Variants in C6orf89 observed in about 807,000 individuals in gnomAD.
C6orf89 encodes chromosome 6 open reading frame 89.
In C6orf89, 29 loss-of-function variants were observed where a neutral mutation model predicts 40.7. The observed-to-expected ratio is 0.71, with a 90% CI of 0.53 to 0.97. The LOEUF (loss-of-function observed/expected upper bound fraction) is 0.97, where lower values mean the gene tolerates loss of function less well. Ranked by LOEUF, C6orf89 falls within the 50% of genes least tolerant of loss-of-function variation. C6orf89 has a pLI of 0.00. For missense variants in C6orf89, 392 were observed against 429.1 expected (o/e 0.91, Z 0.76); for synonymous variants, 165 against 152.2 (o/e 1.08, Z -0.62).
At position 36,914,019 on chromosome 6, in the gene C6orf89, T is replaced by C. The variant is rs529549477; in HGVS notation, c.404-265T>C. Among the ~76,000 whole-genome samples, 17 of 152,098 alleles carry C rather than the reference T, an allele frequency of 1.1e-4. No homozygotes were observed. The East Asian group carries it at 2.7e-3, about 24-fold the overall frequency. ...CAACTAAAAATACAAAAATTAGCCA[T>C]GTGTGGTGGCATGCGCCTGTAGTTC... On this transcript the variant is annotated intron_variant, in intron 4 of 8. Transcript: ENST00000480824.
chr6:36,915,020 G>T (rs923365506), intron 6 of C6orf89, among the ~76,000 whole-genome samples: 1 of 152,094 alleles, frequency 6.6e-6, no homozygotes, highest in Non-Finnish European at 1.5e-5. Flanking sequence ...GGGGCACTTA[G>T]CGTGCGAGTA....
intron 2 of C6orf89, among the ~76,000 whole-genome samples, chr6:36,880,447 A>G (rs537609813): frequency 2.0e-5 from 3 of 152,342 alleles, no homozygotes; most frequent in South Asian, 4.1e-4. Context: ...TATTGTGTGT[A>G]ATGTTTATAT....
In C6orf89 at chr6:36,895,858, A is replaced by G. The variant is rs1318097070; in HGVS notation, c.-20+1255A>G. On this transcript the variant is annotated intron_variant, in intron 2 of 8. Coordinates refer to ENST00000480824, the MANE Select transcript of C6orf89 (RefSeq NM_001286635.2). ...ACATATGTTTTCATTTGTCTTAGGCACATACCTAGAAGTAGAATTGCTGGG... is the reference window on the plus strand; with the variant it reads ...ACATATGTTTTCATTTGTCTTAGGCGCATACCTAGAAGTAGAATTGCTGGG... 3.3e-5 allele frequency among the ~76,000 whole-genome samples: 5 copies of G among 152,216 alleles called. No individual in the cohort carries two copies. In the East Asian group the frequency reaches 7.7e-4, roughly 23 times the overall value.
intron 1 of C6orf89, among the ~76,000 whole-genome samples, chr6:36,893,238 T>C (rs984303787): frequency 5.5e-5 from 8 of 144,700 alleles, no homozygotes; most frequent in Admixed American, 2.1e-4. Flanking sequence ...CCGGCCTTGA[T>C]TTTTTTTTTT....
chr6:36,898,906 T>C (rs6919096), intron 2 of C6orf89, among the ~76,000 whole-genome samples: 10,275 of 152,250 alleles, frequency 0.067, 417 homozygotes, highest in Middle Eastern at 0.17. Context: ...TCTGAAATCT[T>C]TGCTCTGCCA....
chr6:36,898,459 A>G (rs551108112), intron 2 of C6orf89, among the ~76,000 whole-genome samples: 20 of 151,746 alleles, frequency 1.3e-4, no homozygotes, highest in Non-Finnish European at 4.4e-5. Flanking sequence ...TAGTATTTTT[A>G]GTAGAGGCGG....
At chr6:36,898,212 A>G (rs1158622305) in intron 2 of C6orf89, among the ~76,000 whole-genome samples, 1 of 152,024 alleles carries the variant, frequency 6.6e-6, no homozygotes, top group African/African-American at 2.4e-5. Flanking sequence ...CTTCCCAGGT[A>G]GCTGGGACTA....
chr6:36,876,753 AGAAGAAGAAG>A (rs1207021148), intron 1 of C6orf89, among the ~76,000 whole-genome samples: 8 of 144,278 alleles, frequency 5.5e-5, no homozygotes, highest in African/African-American at 1.8e-4. Flanking sequence ...AAGAAGAAGA[AGAAGAAGAAG>A]AAACACAGTT....
In C6orf89 at chr6:36,907,173, A is replaced by G. The variant is rs144242799; in HGVS notation, c.403+4739A>G. Among the ~76,000 whole-genome samples the G allele has an allele frequency of 6.8e-4, 104 of 152,296 alleles. 3 individuals carry two copies. In the East Asian group the frequency reaches 0.018, roughly 26 times the overall value. ...TGTTCTCAACAAAGCAGTGAACAAA[A>G]CAGACAAAACCACTGCTCTTGTAGA... is the stretch of plus-strand genomic sequence containing the variant. On this transcript the variant is annotated intron_variant, in intron 4 of 8. Coordinates refer to ENST00000480824, the MANE Select transcript of C6orf89 (RefSeq NM_001286635.2).
At chr6:36,897,468 A>G (rs1406017644) in intron 2 of C6orf89, among the ~76,000 whole-genome samples, 1 of 152,222 alleles carries the variant, frequency 6.6e-6, no homozygotes, top group African/African-American at 2.4e-5. Context: ...GTTCAAACCC[A>G]TGTTGTTCAA....
chr6:36,921,295 C>T (rs941131432), intron 8 of C6orf89, among the ~76,000 whole-genome samples: 3 of 152,104 alleles, frequency 2.0e-5, no homozygotes, highest in Non-Finnish European at 4.4e-5. Context: ...GCTGTCACTG[C>T]CACGGTTAAC....
chr6:36,916,607 TTTTC>T, intron 7 of C6orf89, 33 bp downstream of exon 7: 1 of 1,613,344 alleles, frequency 6.2e-7, no homozygotes, highest in Non-Finnish European at 8.5e-7. Context: ...GGATCTAGAA[TTTTC>T]TTTATTTGGG....
At chr6:36,882,402 A>T (rs1052961650), upstream of C6orf89, among the ~76,000 whole-genome samples, 1 of 152,258 alleles carries the variant, frequency 6.6e-6, no homozygotes, top group Non-Finnish European at 1.5e-5. Context: ...TATCAGTGCT[A>T]TGCACCTAAA....
chr6:36,927,685 T>A lies in C6orf89; in HGVS notation c.*4244T>A, dbSNP rs532089743. Reference sequence around the variant, plus strand: ...CTTTAGGCTGAAATTCTCTCTGTATTTGGACCTGCAGATGTTGTGTACAGA... The same window carrying A: ...CTTTAGGCTGAAATTCTCTCTGTATATGGACCTGCAGATGTTGTGTACAGA... On this transcript the variant is annotated 3_prime_UTR_variant, in exon 9 of 9. Transcript: ENST00000480824. The A allele has an allele frequency of 1.3e-5, 2 of 152,362 alleles. No individual in the cohort carries two copies. The highest frequency in any genetic ancestry group is 3.9e-4 in the East Asian group (2 of 5,192). The allele number at this position is 152,362 out of a possible 1,614,324, so 9.4% of individuals were successfully genotyped here. A position where few individuals can be genotyped will look rare whatever the true frequency, so the allele number is the denominator to read the frequency against.
Position 36,894,725 on chromosome 6 carries a change from G to A in C6orf89, c.-20+122G>A, listed in dbSNP as rs115091830. 3.5e-3 allele frequency: 623 copies of A among 178,760 alleles called. 7 individuals carry two copies. The highest frequency in any genetic ancestry group is 0.014 in the African/African-American group (591 of 42,018). 11.1% of individuals were successfully genotyped at this position (178,760 alleles called of 1,614,324 possible). A position where few individuals can be genotyped will look rare whatever the true frequency, so the allele number is the denominator to read the frequency against. ...ATGGGATCGATCACAGCTACCTTAT[G>A]GGATCACAGTGGTGATTCACTGAGA... On this transcript the variant is annotated intron_variant, in intron 2 of 8. Transcript: ENST00000480824.
At chr6:36,917,587 T>C (rs1211051975) in intron 7 of C6orf89, among the ~76,000 whole-genome samples, 1 of 152,234 alleles carries the variant, frequency 6.6e-6, no homozygotes, top group African/African-American at 2.4e-5. Flanking sequence ...CACCTCCTGA[T>C]ACTATCGCTT....
chr6:36,901,315 A>ATTTTTTTTTTTTTTTTTTTTTTT (rs1561865427), intron 3 of C6orf89, among the ~76,000 whole-genome samples: 3 of 29,318 alleles, frequency 1.0e-4, no homozygotes, highest in Non-Finnish European at 1.7e-4. Context: ...TATTATTATT[A>ATTTTTTTTTTTTTTTTTTTTTTT]TTATTATTTT....
chr6:36,886,713 C>A (rs1775003414), intron 1 of C6orf89, among the ~76,000 whole-genome samples: 1 of 152,184 alleles, frequency 6.6e-6, no homozygotes, highest in Non-Finnish European at 1.5e-5. Flanking sequence ...ATAATAGAGA[C>A]TACTTCCAGA....
At chr6:36,918,472 C>G (rs573647400) in intron 7 of C6orf89, among the ~76,000 whole-genome samples, 1 of 152,322 alleles carries the variant, frequency 6.6e-6, no homozygotes, top group African/African-American at 2.4e-5. Flanking sequence ...TGAAATGGCT[C>G]TGGTGTTGCC....
Sources: allele counts gnomAD v4.1 joint callset (sites outside exome capture counted in the v4.1 genomes callset), GRCh38; gene constraint gnomAD v4.1.1; transcripts MANE v1.5; gene names NCBI Gene and HGNC (gene_info 2026-07-23, HGNC 2026-07-21).